The following SLC12A4 variants were observed in gnomAD, a reference collection of about 807,000 sequenced individuals.
The protein encoded by SLC12A4 is electroneutral potassium-chloride cotransporter 1.
SLC12A4 carries 84 observed loss-of-function variants against 119.2 expected under a neutral mutation model. The observed-to-expected ratio is 0.70, with a 90% CI of 0.59 to 0.85. SLC12A4 has a LOEUF of 0.85. Ranked by LOEUF, SLC12A4 falls within the 40% of genes least tolerant of loss-of-function variation. The pLI is 0.00. For missense variants in SLC12A4, 1,298 were observed against 1,476.3 expected (o/e 0.88, Z 1.98); for synonymous variants, 599 against 604.6 (o/e 0.99, Z 0.14).
Position 67,950,256 on chromosome 16 carries a change from C to A in SLC12A4, c.1629+63G>T. 1.3e-6 allele frequency: 2 copies of A among 1,568,218 alleles called. No homozygotes were observed. Among genetic ancestry groups the A allele is most frequent in the Non-Finnish European group, 1.7e-6 (2 of 1,153,682 alleles). The stretch of plus-strand genomic sequence containing the variant: ...CGTGCTGCATCTGTGTTCCCTATCT[C>A]TCTCCCCAGCCGGGCGAGGGCCTGG... On this transcript the variant is annotated intron_variant, in intron 12 of 23. Transcript: ENST00000316341. The surrounding 1 kb of genome is among the most constrained non-coding windows in gnomAD (Gnocchi z 4.3).
At chr16:67,963,704 C>G in intron 1 of SLC12A4, 145 bp from the exon 2 acceptor site, 1 of 825,256 alleles carries the variant, frequency 1.2e-6, no homozygotes, top group East Asian at 2.7e-5. Flanking sequence ...TCACATGGCA[C>G]CGTGCCAATG....
chr16:67,945,833 C>T lies in SLC12A4; in HGVS notation c.2778G>A (p.Thr926=), dbSNP rs772746466. ...TCTGCGACCGCTGCTCCATCATCAG[C>T]GTCCGCTCGTAGGTGTATGCAGAGA... ...SDISAYTYER[T]LMMEQRSQML... The change falls in exon 21 of 24, where the codon ACG becomes ACA. Residue 926 remains threonine, a synonymous_variant. Transcript: ENST00000316341. The T allele has an allele frequency of 3.0e-5, 49 of 1,613,890 alleles. No individual in the cohort carries two copies. Among genetic ancestry groups the T allele is most frequent in the Non-Finnish European group, 4.1e-5 (48 of 1,180,052 alleles).
Position 67,963,803 on chromosome 16 carries a change from C to G in SLC12A4, c.116-244G>C. 1.5e-6 allele frequency: 2 copies of G among 1,310,550 alleles called. 1 individual carries two copies. Among genetic ancestry groups the G allele is most frequent in the South Asian group, 2.9e-5 (2 of 69,046 alleles). The allele number at this position is 1,310,550 out of a possible 1,614,324, so 81.2% of individuals were successfully genotyped here. A position where few individuals can be genotyped will look rare whatever the true frequency, so the allele number is the denominator to read the frequency against. On this transcript the variant is annotated intron_variant, in intron 1 of 23. Coordinates refer to ENST00000316341, the MANE Select transcript of SLC12A4 (RefSeq NM_005072.5). ...CCAGTGAAGGGAATCCAGGTGAGGGCGCAGGCGCCCTAGCACAAGCACGTA... is the reference window on the plus strand; with the variant it reads ...CCAGTGAAGGGAATCCAGGTGAGGGGGCAGGCGCCCTAGCACAAGCACGTA...
Position 67,951,971 on chromosome 16 carries a change from T to C in SLC12A4, c.984A>G (p.Val328=). 6.2e-7 allele frequency: 1 copy of C among 1,614,106 alleles called. No individual in the cohort carries two copies. Among genetic ancestry groups the C allele is most frequent in the Non-Finnish European group, 8.5e-7 (1 of 1,180,018 alleles). The change falls in exon 8 of 24, where the codon GTA becomes GTG. Residue 328 remains valine (V), a synonymous_variant. Transcript: ENST00000316341. This position sits in a 1 kb window ranked among gnomAD's most constrained non-coding sequence, Gnocchi z 5.2. Reference sequence around the variant, plus strand: ...GGGTGGCCACTGTCTCATTGTCCACTACAGCTGTCTTGGCACAGATGTCAA... The same window carrying C: ...GGGTGGCCACTGTCTCATTGTCCACCACAGCTGTCTTGGCACAGATGTCAA... ...DQFDICAKTA[V]VDNETVATQL... is the part of the protein sequence containing the mutation.
At chr16:67,948,181 G>T (rs1031582105) in intron 13 of SLC12A4, 22 bp from the exon 14 acceptor site, 4 of 1,609,674 alleles carry the variant, frequency 2.5e-6, no homozygotes, top group Admixed American at 1.7e-5. Context: ...AGGGCGGTTG[G>T]CGAAGAGCAG....
chr16:67,950,211 G>C lies in SLC12A4; in HGVS notation c.1629+108C>G. 1 of 1,326,890 alleles carries C rather than the reference G, an allele frequency of 7.5e-7. No homozygotes were observed. The highest frequency in any genetic ancestry group is 1.0e-6 in the Non-Finnish European group (1 of 971,354). 82.2% of individuals were successfully genotyped at this position (1,326,890 alleles called of 1,614,324 possible). ...TCCTCATGGATGGCCGCCTGGCCCC[G>C]GGGGCCAATAAGGGCAGGACGTGCT... On this transcript the variant is annotated intron_variant, in intron 12 of 23. Coordinates refer to ENST00000316341, the MANE Select transcript of SLC12A4 (RefSeq NM_005072.5). The surrounding 1 kb of genome is among the most constrained non-coding windows in gnomAD (Gnocchi z 4.3).
chr16:67,956,712 A>G (rs2030279715), intron 5 of SLC12A4, among the ~76,000 whole-genome samples: 1 of 151,960 alleles, frequency 6.6e-6, no homozygotes, highest in South Asian at 2.1e-4. Context: ...CAAAATCAAA[A>G]AACTGTTTTC....
At position 67,951,823 on chromosome 16, in the gene SLC12A4, C is replaced by T. The variant is rs1257157254; in HGVS notation, c.1132G>A (p.Glu378Lys). The T allele has an allele frequency of 1.9e-6, 3 of 1,610,784 alleles. No homozygotes were observed. Among genetic ancestry groups the T allele is most frequent in the Non-Finnish European group, 2.5e-6 (3 of 1,178,796 alleles). The change falls in exon 8 of 24, where the codon GAA (glutamate) becomes AAA (lysine). Residue 378 changes from glutamate to lysine, a missense_variant and splice_region_variant. Coordinates refer to ENST00000316341, the MANE Select transcript of SLC12A4 (RefSeq NM_005072.5). The surrounding 1 kb of genome is among the most constrained non-coding windows in gnomAD (Gnocchi z 5.2). Reference protein sequence around the residue: ...IPGAAAGVLQENLWSAYLEKG... With the variant: ...IPGAAAGVLQKNLWSAYLEKG... ...CAAGACGACGGGAGGGAGGACCCAC[C>T]CTGGAGCACACCAGCAGCTGCCCCG...
chr16:67,946,701 C>A, intron 17 of SLC12A4, 68 bp from the exon 18 acceptor site: 1 of 1,532,536 alleles, frequency 6.5e-7, no homozygotes, highest in Admixed American at 1.9e-5. Flanking sequence ...CCTCCCAAGG[C>A]CCCTCGGGAA....
At chr16:67,954,185 C>A in intron 6 of SLC12A4, 1 of 379,786 alleles carries the variant, frequency 2.6e-6, no homozygotes. Context: ...GTGGAGGGAG[C>A]GCCGACCTCC....
chr16:67,951,081 C>A lies in SLC12A4; in HGVS notation c.1298-21G>T. The stretch of plus-strand genomic sequence containing the variant: ...GATGCCTCCAAAAACAGATGAGACT[C>A]CCTCAGGGGCTCCCCGGGATTGGGG... On this transcript the variant is annotated intron_variant, in intron 9 of 23. Transcript: ENST00000316341. This position sits in a 1 kb window ranked among gnomAD's most constrained non-coding sequence, Gnocchi z 5.2. The A allele has an allele frequency of 6.2e-7, 1 of 1,613,938 alleles. No individual in the cohort carries two copies. Among genetic ancestry groups the A allele is most frequent in the Non-Finnish European group, 8.5e-7 (1 of 1,179,948 alleles).
In SLC12A4 at chr16:67,952,525, C is replaced by A. The variant is rs191111430; in HGVS notation, c.676-100G>T. 9.0e-6 allele frequency: 12 copies of A among 1,336,254 alleles called. 1 individual carries two copies. The South Asian group carries it at 1.0e-4, about 11-fold the overall frequency. The allele number at this position is 1,336,254 out of a possible 1,614,324, so 82.8% of individuals were successfully genotyped here. A position where few individuals can be genotyped will look rare whatever the true frequency, so the allele number is the denominator to read the frequency against. ...TTACGAGTACCTAAAAGAGGCCGGG[C>A]GCAGTGGCTCACGCCTGTAATCCCA... is the stretch of plus-strand genomic sequence containing the variant. On this transcript the variant is annotated intron_variant, in intron 6 of 23. Coordinates refer to ENST00000316341, the MANE Select transcript of SLC12A4 (RefSeq NM_005072.5).
chr16:67,946,691 C>T, intron 17 of SLC12A4, 58 bp from the exon 18 acceptor site: 1 of 1,545,264 alleles, frequency 6.5e-7, no homozygotes. Context: ...CTCTGGGCTC[C>T]CTCCCAAGGC....
Position 67,949,663 on chromosome 16 carries a change from G to C in SLC12A4, c.1748+137C>G. On this transcript the variant is annotated intron_variant, in intron 13 of 23. Coordinates refer to ENST00000316341, the MANE Select transcript of SLC12A4 (RefSeq NM_005072.5). The surrounding 1 kb of genome is among the most constrained non-coding windows in gnomAD (Gnocchi z 4.6). Reference sequence around the variant, plus strand: ...GCTCCTAAATGCAGGGGTGGGCTGAGCCCTGTCAGGCCACATCTCCCCATG... The same window carrying C: ...GCTCCTAAATGCAGGGGTGGGCTGACCCCTGTCAGGCCACATCTCCCCATG... 4.9e-6 allele frequency: 3 copies of C among 618,230 alleles called. No homozygotes were observed. The highest frequency in any genetic ancestry group is 8.4e-6 in the Non-Finnish European group (3 of 357,576). 38.3% of individuals were successfully genotyped at this position (618,230 alleles called of 1,614,324 possible). A position where few individuals can be genotyped will look rare whatever the true frequency, so the allele number is the denominator to read the frequency against.
chr16:67,958,111 A>G, intron 3 of SLC12A4, 67 bp from the exon 4 acceptor site: 1 of 1,551,490 alleles, frequency 6.4e-7, no homozygotes, highest in African/African-American at 1.3e-5. Context: ...AGTCAGCCCT[A>G]GTCACTCAGC....
intron 21 of SLC12A4, 105 bp downstream of exon 21, chr16:67,945,659 G>T (rs767179815): frequency 1.3e-6 from 2 of 1,500,564 alleles, no homozygotes; most frequent in Non-Finnish European, 1.8e-6. Context: ...CACTAGCTTG[G>T]GTAGGGCTGC....
rs2030794987 is a variant in SLC12A4, at chr16:67,964,927, A to G, written c.116-1368T>C. On this transcript the variant is annotated intron_variant, in intron 1 of 23. Transcript: ENST00000316341. ...GGATTCTTTATCCCCCAAGGAAACT[A>G]ACAAATCAAGTGTGCCCATGACAGT... Among the ~76,000 whole-genome samples the G allele has an allele frequency of 6.6e-5, 10 of 152,206 alleles. No individual in the cohort carries two copies. In the South Asian group the frequency reaches 2.1e-3, roughly 31 times the overall value.
Position 67,951,181 on chromosome 16 carries a change from G to A in SLC12A4, c.1256C>T (p.Ser419Phe), listed in dbSNP as rs772600677. The A allele has an allele frequency of 1.2e-6, 2 of 1,614,070 alleles. No individual in the cohort carries two copies. The highest frequency in any genetic ancestry group is 2.2e-5 in the South Asian group (2 of 91,082). ...PLYVVADIAT[S>F]FTVLVGIFFP... ...GAAGATGCCGACCAGCACGGTGAAG[G>A]ATGTGGCGATGTCAGCGACCACGTA... Residue 419 changes from serine (S) to phenylalanine (F), a missense_variant, in exon 9 of 24, where the codon TCC (serine) becomes TTC (phenylalanine). By Grantham distance (155) the Ser-to-Phe change is radical (BLOSUM62 -2). Coordinates refer to ENST00000316341, the MANE Select transcript of SLC12A4 (RefSeq NM_005072.5). This position sits in a 1 kb window ranked among gnomAD's most constrained non-coding sequence, Gnocchi z 5.2.
rs2058321807 is a variant in SLC12A4 at position 67,944,844 on chromosome 16, G to A, written c.3254C>T (p.Ser1085Phe). Residue 1085 changes from serine to phenylalanine, a missense_variant, in exon 24 of 24, where the codon TCC (serine) becomes TTC (phenylalanine). Physicochemically the swap from Ser to Phe is radical, Grantham distance 155. Transcript: ENST00000316341. The surrounding 1 kb of genome is among the most constrained non-coding windows in gnomAD (Gnocchi z 6.6). ...GGCCACAAGATGACACTGGGCTCAGGAGTAGATGGTGATGACTTCACGGCC... is the reference window on the plus strand; with the variant it reads ...GGCCACAAGATGACACTGGGCTCAGAAGTAGATGGTGATGACTTCACGGCC... ...GGGREVITIY[S>F] is the part of the protein sequence containing the mutation. 26 of 1,613,034 alleles carry A rather than the reference G, an allele frequency of 1.6e-5. No homozygotes were observed. The highest frequency in any genetic ancestry group is 2.1e-5 in the Non-Finnish European group (25 of 1,179,972).
Sources: allele counts gnomAD v4.1 joint callset (sites outside exome capture counted in the v4.1 genomes callset), GRCh38; gene constraint gnomAD v4.1.1; non-coding constraint Gnocchi (gnomAD v3.1); transcripts MANE v1.5; gene names NCBI Gene and HGNC (gene_info 2026-07-23, HGNC 2026-07-21).